Variants in BICC1 observed in about 807,000 individuals in gnomAD.
BICC1 encodes protein bicaudal C homolog 1.
In BICC1, 43 loss-of-function variants were observed where a neutral mutation model predicts 111.0. The ratio of observed to expected loss-of-function variants is 0.39; its 90% CI spans 0.30 to 0.50. The LOEUF (loss-of-function observed/expected upper bound fraction) is 0.50, where lower values mean the gene tolerates loss of function less well. Ranked by LOEUF, BICC1 falls within the 20% of genes least tolerant of loss-of-function variation. The probability of loss-of-function intolerance (pLI) is 0.88; values close to 1 mark genes in which losing one functional copy is unlikely to be tolerated. For synonymous variants in BICC1, 467 were observed against 434.4 expected (o/e 1.07, Z -0.93); for missense variants, 1,091 against 1,203.2 (o/e 0.91, Z 1.38).
chr10:58,628,360 A>G (rs534973726), intron 2 of BICC1, among the ~76,000 whole-genome samples: 1 of 152,210 alleles, frequency 6.6e-6, no homozygotes, highest in Non-Finnish European at 1.5e-5. Context: ...TGTGTCTTTT[A>G]TATAACAGTT....
At chr10:58,679,224 TA>T (rs919564616) in intron 2 of BICC1, among the ~76,000 whole-genome samples, 3 of 152,108 alleles carry the variant, frequency 2.0e-5, no homozygotes, top group East Asian at 1.9e-4. Flanking sequence ...TAAAAACCCT[TA>T]AAAAAATCAG....
intron 1 of BICC1, among the ~76,000 whole-genome samples, chr10:58,522,051 C>T (rs1842405384): frequency 6.6e-6 from 1 of 151,756 alleles, no homozygotes; most frequent in Non-Finnish European, 1.5e-5. Flanking sequence ...CATTATTAAA[C>T]CATCTTGAAG....
intron 3 of BICC1, among the ~76,000 whole-genome samples, chr10:58,760,802 G>A (rs1842292544): frequency 6.6e-6 from 1 of 152,130 alleles, no homozygotes; most frequent in Non-Finnish European, 1.5e-5. Context: ...GAGGAGGAAT[G>A]TAAATTGAAC....
chr10:58,567,188 C>T (rs953066913), intron 1 of BICC1, among the ~76,000 whole-genome samples: 8 of 152,030 alleles, frequency 5.3e-5, no homozygotes, highest in African/African-American at 1.9e-4. Flanking sequence ...AGAAAGCTTT[C>T]TATGCTTAAT....
chr10:58,579,420 G>T (rs1246203257), intron 1 of BICC1, among the ~76,000 whole-genome samples: 1 of 152,180 alleles, frequency 6.6e-6, no homozygotes, highest in Admixed American at 6.5e-5. Flanking sequence ...TTCACCAAAG[G>T]AATGGCTTGT....
chr10:58,820,725 G>A (rs968760276), intron 20 of BICC1, among the ~76,000 whole-genome samples: 5 of 152,020 alleles, frequency 3.3e-5, no homozygotes, highest in South Asian at 2.1e-4. Context: ...AACCAAAATC[G>A]CCCTATGCAG....
At chr10:58,716,900 G>A (rs1380474120) in intron 3 of BICC1, among the ~76,000 whole-genome samples, 1 of 151,328 alleles carries the variant, frequency 6.6e-6, no homozygotes, top group Non-Finnish European at 1.5e-5. Flanking sequence ...GCTACCAGCA[G>A]TCTTGCCCTT....
At chr10:58,607,431 C>T (rs1052401663) in intron 1 of BICC1, among the ~76,000 whole-genome samples, 1 of 150,962 alleles carries the variant, frequency 6.6e-6, no homozygotes, top group African/African-American at 2.4e-5. Flanking sequence ...AAAAATTATC[C>T]CATCCTCCAT....
intron 2 of BICC1, among the ~76,000 whole-genome samples, chr10:58,639,509 C>T (rs1838054759): frequency 6.6e-6 from 1 of 150,610 alleles, no homozygotes. Flanking sequence ...ATTCTCCTGC[C>T]TCAGCCTCCC....
intron 3 of BICC1, among the ~76,000 whole-genome samples, chr10:58,760,984 G>A (rs1405566071): frequency 6.6e-6 from 1 of 152,060 alleles, no homozygotes; most frequent in Non-Finnish European, 1.5e-5. Flanking sequence ...GAAACACCTA[G>A]TAATCCTTTT....
At chr10:58,689,726 A>G (rs1839857365) in intron 2 of BICC1, among the ~76,000 whole-genome samples, 1 of 152,222 alleles carries the variant, frequency 6.6e-6, no homozygotes, top group Admixed American at 6.5e-5. Flanking sequence ...CTGATTCCCA[A>G]GGTGCTGAGG....
At position 58,662,031 on chromosome 10, in the gene BICC1, T is replaced by C. The variant is rs1231238305; in HGVS notation, c.238-40043T>C. 2.6e-5 allele frequency among the ~76,000 whole-genome samples: 4 copies of C among 152,294 alleles called. No individual in the cohort carries two copies. The East Asian group carries it at 7.7e-4, about 29-fold the overall frequency. On this transcript the variant is annotated intron_variant, in intron 2 of 20. Transcript: ENST00000373886. ...CCATCTCTTATGTTCTAAATTTCCA[T>C]GTATTGTGTTTTCTCTGCAGTGAGG...
chr10:58,640,348 A>C (rs2132210801), intron 2 of BICC1, among the ~76,000 whole-genome samples: 1 of 152,334 alleles, frequency 6.6e-6, no homozygotes, highest in South Asian at 2.1e-4. Context: ...CAAAATGTTT[A>C]CCTATAAACA....
intron 2 of BICC1, among the ~76,000 whole-genome samples, chr10:58,677,351 A>G (rs1839377472): frequency 6.6e-6 from 1 of 152,238 alleles, no homozygotes; most frequent in African/African-American, 2.4e-5. Context: ...TTTAGAGAAC[A>G]ACATAAATGA....
At chr10:58,701,560 G>T (rs1039036311) in intron 2 of BICC1, among the ~76,000 whole-genome samples, 2 of 152,086 alleles carry the variant, frequency 1.3e-5, no homozygotes, top group Non-Finnish European at 2.9e-5. Flanking sequence ...ACGACGTGAT[G>T]TCGCGTTTAG....
intron 2 of BICC1, among the ~76,000 whole-genome samples, chr10:58,651,393 A>G (rs2132251555): frequency 6.6e-6 from 1 of 152,318 alleles, no homozygotes; most frequent in East Asian, 1.9e-4. Context: ...AGATCTTCAT[A>G]CCAGCAGCAT....
chr10:58,646,649 A>G (rs1211890238), intron 2 of BICC1, among the ~76,000 whole-genome samples: 1 of 152,176 alleles, frequency 6.6e-6, no homozygotes, highest in Non-Finnish European at 1.5e-5. Context: ...TGCCTCCTGT[A>G]TAGAACTTCT....
intron 9 of BICC1, among the ~76,000 whole-genome samples, chr10:58,794,675 C>G (rs1458641735): frequency 6.6e-6 from 1 of 152,148 alleles, no homozygotes; most frequent in Non-Finnish European, 1.5e-5. Context: ...CCACCACAGC[C>G]TCCCAAAGTG....
At chr10:58,570,072 A>C (rs1843899297) in intron 1 of BICC1, among the ~76,000 whole-genome samples, 1 of 152,144 alleles carries the variant, frequency 6.6e-6, no homozygotes, top group Admixed American at 6.6e-5. Context: ...TGACATCAGG[A>C]ATGTTTTGGG....
Sources: gnomAD v4.1 joint callset for allele counts (sites outside exome capture counted in the v4.1 genomes callset) on GRCh38, gnomAD v4.1.1 for gene constraint, MANE v1.5 for transcripts, NCBI Gene and HGNC (gene_info 2026-07-23, HGNC 2026-07-21) for gene names.